ILKAP: variants seen among roughly 807,000 people sequenced by gnomAD.
The protein encoded by ILKAP is ILK associated serine/threonine phosphatase.
A neutral mutation model predicts 49.1 loss-of-function variants in ILKAP; 11 were observed. That is an observed-to-expected ratio of 0.22 (90% confidence interval 0.14 to 0.37). The LOEUF (loss-of-function observed/expected upper bound fraction) is 0.37. Ranked by LOEUF, ILKAP falls within the 10% of genes least tolerant of loss-of-function variation. The pLI is 1.00. For missense variants in ILKAP, 363 were observed against 510.8 expected, an observed-to-expected ratio of 0.71 and a Z score of 2.79; for synonymous variants, 186 against 192.8, an observed-to-expected ratio of 0.96 and a Z score of 0.29.
chr2:238,171,308 C>T (rs928946061), intron 10 of ILKAP, among the ~76,000 whole-genome samples: 4 of 151,780 alleles, frequency 2.6e-5, no homozygotes, highest in Non-Finnish European at 5.9e-5. Flanking sequence ...TACAGGTGCC[C>T]GGCACCACGC....
At chr2:238,176,052 A>T (rs1693438965) in intron 9 of ILKAP, among the ~76,000 whole-genome samples, 1 of 151,720 alleles carries the variant, frequency 6.6e-6, no homozygotes, top group African/African-American at 2.4e-5. Flanking sequence ...CAAAGTTCAA[A>T]CAAACTGCCC....
At chr2:238,191,262 T>C (rs6708357) in intron 3 of ILKAP, among the ~76,000 whole-genome samples, 126,380 of 151,940 alleles carry the variant, frequency 0.83, 52,726 homozygotes, top group East Asian at 0.98. Flanking sequence ...AATTCTCCTG[T>C]CTCAGCCTAC....
At chr2:238,172,098 G>A (rs2106324841) in intron 10 of ILKAP, among the ~76,000 whole-genome samples, 1 of 152,230 alleles carries the variant, frequency 6.6e-6, no homozygotes, top group African/African-American at 2.4e-5. Flanking sequence ...TGTTGCCCAG[G>A]CTGGAGAGCA....
At chr2:238,176,440 C>T (rs1559289354) in intron 9 of ILKAP, among the ~76,000 whole-genome samples, 1 of 152,168 alleles carries the variant, frequency 6.6e-6, no homozygotes, top group Non-Finnish European at 1.5e-5. Context: ...CAAGTAGTGG[C>T]ATTTTAAGTC....
intron 1 of ILKAP, among the ~76,000 whole-genome samples, chr2:238,198,376 C>T (rs1694433263): frequency 6.6e-6 from 1 of 151,968 alleles, no homozygotes; most frequent in African/African-American, 2.4e-5. Flanking sequence ...GTAGCTGAAA[C>T]TACAGGCATA....
At chr2:238,177,205 T>C (rs1693498917) in intron 9 of ILKAP, among the ~76,000 whole-genome samples, 1 of 152,166 alleles carries the variant, frequency 6.6e-6, no homozygotes, top group South Asian at 2.1e-4. Flanking sequence ...CTGGAAAGAA[T>C]CAAGAAATAG....
At chr2:238,199,631 T>C (rs1438376396) in intron 1 of ILKAP, among the ~76,000 whole-genome samples, 1 of 152,232 alleles carries the variant, frequency 6.6e-6, no homozygotes, top group Non-Finnish European at 1.5e-5. Context: ...GGTTTGTCTT[T>C]TGCCTTTATA....
intron 3 of ILKAP, among the ~76,000 whole-genome samples, chr2:238,190,952 TTTC>T (rs1041398494): frequency 4.0e-5 from 6 of 150,434 alleles, no homozygotes; most frequent in African/African-American, 1.2e-4. Context: ...TTGCCAGACA[TTTC>T]TTCTTCTTTT....
chr2:238,181,904 T>C (rs1443203536), intron 9 of ILKAP, among the ~76,000 whole-genome samples, 161 bp downstream of exon 9: 1 of 152,206 alleles, frequency 6.6e-6, no homozygotes, highest in Non-Finnish European at 1.5e-5. Context: ...ATGTGAAATC[T>C]ACAACTGTCA....
chr2:238,176,256 C>A (rs1693452306), intron 9 of ILKAP, among the ~76,000 whole-genome samples: 1 of 150,388 alleles, frequency 6.6e-6, no homozygotes, highest in South Asian at 2.1e-4. Context: ...GCCTCAACCT[C>A]CCGAGTAGCT....
chr2:238,195,749 C>T (rs1237001476), intron 1 of ILKAP, among the ~76,000 whole-genome samples: 4 of 152,096 alleles, frequency 2.6e-5, no homozygotes, highest in African/African-American at 9.7e-5. Context: ...AGTATAAAAA[C>T]GTGCTCATTT....
In ILKAP at chr2:238,184,039, G is replaced by A; in HGVS notation, c.607C>T (p.Leu203Phe). 1 of 1,607,492 alleles carries A rather than the reference G, an allele frequency of 6.2e-7. No homozygotes were observed. The highest frequency in any genetic ancestry group is 8.5e-7 in the Non-Finnish European group (1 of 1,173,968). ...ACTTACTGGCTGGAAGCTTGTTTAAGGAACTCTTCATCAGTATGCTTGAAA... is the reference window on the plus strand; with the variant it reads ...ACTTACTGGCTGGAAGCTTGTTTAAAGAACTCTTCATCAGTATGCTTGAAA... Reference protein sequence around the residue: ...DTFKHTDEEFLKQASSQKPAW... With the variant: ...DTFKHTDEEFFKQASSQKPAW... Residue 203 changes from leucine (L) to phenylalanine (F), a missense_variant, in exon 7 of 12, where the codon CTT becomes TTT. Leu to Phe is a conservative substitution (Grantham distance 22). Transcript: ENST00000254654.
chr2:238,190,033 G>A, intron 3 of ILKAP, 61 bp from the exon 4 acceptor site: 2 of 1,576,684 alleles, frequency 1.3e-6, no homozygotes, highest in Non-Finnish European at 1.7e-6. Context: ...AAAGTCACTA[G>A]TAGACTGGGC....
chr2:238,184,231 C>A, intron 6 of ILKAP, 118 bp from the exon 7 acceptor site: 1 of 669,652 alleles, frequency 1.5e-6, no homozygotes, highest in Non-Finnish European at 2.7e-6. Flanking sequence ...CGTTCTGTCA[C>A]CAGGCTGGAA....
intron 9 of ILKAP, among the ~76,000 whole-genome samples, chr2:238,174,840 G>A (rs536795448): frequency 1.3e-4 from 19 of 149,682 alleles, no homozygotes; most frequent in African/African-American, 4.3e-4. Context: ...ACTTCAGGAA[G>A]CAGCTCACAG....
chr2:238,182,764 T>C (rs1693750197), intron 8 of ILKAP, among the ~76,000 whole-genome samples: 1 of 152,232 alleles, frequency 6.6e-6, no homozygotes, highest in Non-Finnish European at 1.5e-5. Flanking sequence ...CTTTGTTTTT[T>C]TGCCAATTTT....
chr2:238,198,269 C>T lies in ILKAP; in HGVS notation c.56-3399G>A, dbSNP rs576883569. On this transcript the variant is annotated intron_variant, in intron 1 of 11. Coordinates refer to ENST00000254654, the MANE Select transcript of ILKAP (RefSeq NM_030768.3). Reference sequence around the variant, plus strand: ...TTTTTTTAAATTGAGACAAGAGTCTCGCTCTGTGAGCCAGGTTGGAGTGCA... The same window carrying T: ...TTTTTTTAAATTGAGACAAGAGTCTTGCTCTGTGAGCCAGGTTGGAGTGCA... Among the ~76,000 whole-genome samples, 6 of 151,808 alleles carry T rather than the reference C, an allele frequency of 4.0e-5. No individual in the cohort carries two copies. In the South Asian group the frequency reaches 1.0e-3, roughly 26 times the overall value.
At chr2:238,171,955 C>T (rs928771194) in intron 10 of ILKAP, among the ~76,000 whole-genome samples, 2 of 152,174 alleles carry the variant, frequency 1.3e-5, no homozygotes, top group African/African-American at 2.4e-5. Flanking sequence ...GTGGGGAATA[C>T]GCATCCCCAC....
intron 1 of ILKAP, among the ~76,000 whole-genome samples, chr2:238,200,676 G>C (rs1322020762): frequency 2.0e-5 from 3 of 152,134 alleles, no homozygotes; most frequent in African/African-American, 7.2e-5. Context: ...ACAAAAATTA[G>C]CTGGCTGTGG....
Sources: allele counts gnomAD v4.1 joint callset (sites outside exome capture counted in the v4.1 genomes callset), GRCh38; gene constraint gnomAD v4.1.1; transcripts MANE v1.5; gene names NCBI Gene and HGNC (gene_info 2026-07-23, HGNC 2026-07-21).